Variants in KLF12 observed in about 807,000 individuals in gnomAD.
KLF12 encodes the protein Krueppel-like factor 12.
A neutral mutation model predicts 37.8 loss-of-function variants in KLF12; 9 were observed. The observed-to-expected ratio is 0.24, with a 90% CI of 0.14 to 0.42. KLF12 has a LOEUF of 0.42. Ranked by LOEUF, KLF12 falls within the 10% of genes least tolerant of loss-of-function variation. KLF12 has a pLI of 1.00. For missense variants in KLF12, 411 were observed against 516.0 expected (o/e 0.80, Z 1.97); for synonymous variants, 208 against 202.1 (o/e 1.03, Z -0.25).
At chr13:73,984,104 G>A (rs1053072308) in intron 2 of KLF12, among the ~76,000 whole-genome samples, 3 of 152,178 alleles carry the variant, frequency 2.0e-5, no homozygotes, top group Admixed American at 1.3e-4. Context: ...GGGTGGGGAG[G>A]ACAGCAAGCA....
At chr13:74,158,574 C>T in the KLF12 span, among the ~76,000 whole-genome samples, 5 of 151,960 alleles carry the variant, frequency 3.3e-5, no homozygotes, top group Admixed American at 3.3e-4. Context: ...ACAAGTGAGT[C>T]CCAGAGAGAA....
chr13:74,240,073 G>A, the KLF12 span, among the ~76,000 whole-genome samples: 6 of 152,108 alleles, frequency 3.9e-5, no homozygotes, highest in South Asian at 2.1e-4. Flanking sequence ...ATTTTGCAGC[G>A]GCTGGTACCG....
chr13:73,947,952 G>T (rs78866111), intron 2 of KLF12, among the ~76,000 whole-genome samples: 8,297 of 152,146 alleles, frequency 0.055, 291 homozygotes, highest in African/African-American at 0.1. Context: ...AGCTAGCTAG[G>T]CAATACTCAA....
At chr13:74,067,696 T>C (rs1873997017) in intron 1 of KLF12, among the ~76,000 whole-genome samples, 1 of 59,346 alleles carries the variant, frequency 1.7e-5, no homozygotes, top group Non-Finnish European at 3.3e-5. Context: ...CAAAGAATAG[T>C]TTTAGTTTTA....
At chr13:74,214,407 AT>A in the KLF12 span, among the ~76,000 whole-genome samples, 1 of 152,122 alleles carries the variant, frequency 6.6e-6, no homozygotes, top group African/African-American at 2.4e-5. Context: ...GTCTTCCTGT[AT>A]TTTAGTTAAC....
At chr13:74,061,840 T>C (rs1297981867) in intron 1 of KLF12, among the ~76,000 whole-genome samples, 1 of 152,228 alleles carries the variant, frequency 6.6e-6, no homozygotes, top group African/African-American at 2.4e-5. Flanking sequence ...CGTTATATGA[T>C]AGCTTTCTGA....
intron 3 of KLF12, among the ~76,000 whole-genome samples, chr13:73,917,661 G>T (rs1422394391): frequency 1.3e-5 from 2 of 152,148 alleles, no homozygotes; most frequent in Non-Finnish European, 2.9e-5. Flanking sequence ...AAGTTTGTCA[G>T]AAGAATTAAA....
At chr13:73,726,498 C>T (rs1876684040) in intron 6 of KLF12, among the ~76,000 whole-genome samples, 1 of 152,160 alleles carries the variant, frequency 6.6e-6, no homozygotes, top group Admixed American at 6.5e-5. Flanking sequence ...TTTGTCTATT[C>T]TGGACATTTA....
chr13:73,789,923 A>G (rs1034980042), intron 5 of KLF12, among the ~76,000 whole-genome samples: 45 of 152,038 alleles, frequency 3.0e-4, no homozygotes, highest in South Asian at 1.2e-3. Flanking sequence ...TGATCCGCCC[A>G]CCTCGGCCTC....
At chr13:73,698,768 C>A (rs1195741215) in intron 7 of KLF12, among the ~76,000 whole-genome samples, 1 of 152,108 alleles carries the variant, frequency 6.6e-6, no homozygotes, top group Non-Finnish European at 1.5e-5. Context: ...TGCCTAAGAC[C>A]TTTACTATCT....
chr13:74,165,304 T>C, the KLF12 span, among the ~76,000 whole-genome samples: 6 of 138,686 alleles, frequency 4.3e-5, no homozygotes, highest in East Asian at 2.0e-4. Flanking sequence ...CTTTTCTTTT[T>C]TTTTTTTTTT....
chr13:73,761,315 C>A (rs1879533797), intron 6 of KLF12, among the ~76,000 whole-genome samples: 1 of 152,068 alleles, frequency 6.6e-6, no homozygotes, highest in Non-Finnish European at 1.5e-5. Context: ...TTTGCCACTT[C>A]AGCCTAAGAA....
rs561154233 is a variant in KLF12, at chr13:73,699,441, G to C, written c.1028-3770C>G. Among the ~76,000 whole-genome samples the C allele has an allele frequency of 1.2e-3, 188 of 151,700 alleles. 2 individuals carry two copies. Among genetic ancestry groups the C allele is most frequent in the African/African-American group, 4.4e-3 (182 of 41,396 alleles). On this transcript the variant is annotated intron_variant, in intron 7 of 7. Transcript: ENST00000377669. ...TGAAAATTAAAAAAAATTGAAAAAG[G>C]CTCACCCAACTCAATCAGACCTAAA...
the KLF12 span, among the ~76,000 whole-genome samples, chr13:74,156,202 G>T: frequency 6.6e-6 from 1 of 152,260 alleles, no homozygotes; most frequent in East Asian, 1.9e-4. Context: ...TTTATACTGC[G>T]ATCTCTCTTC....
At chr13:73,720,278 C>T (rs1012723153) in intron 6 of KLF12, among the ~76,000 whole-genome samples, 1 of 152,174 alleles carries the variant, frequency 6.6e-6, no homozygotes, top group Non-Finnish European at 1.5e-5. Context: ...TTCTGAGCAA[C>T]ATGCCCTTTG....
intron 2 of KLF12, among the ~76,000 whole-genome samples, chr13:73,958,875 C>T (rs1890930582): frequency 6.6e-6 from 1 of 152,098 alleles, no homozygotes; most frequent in African/African-American, 2.4e-5. Flanking sequence ...AAACAACGAA[C>T]TGCTCTATCC....
chr13:73,812,021 G>A (rs1412163775), intron 5 of KLF12, among the ~76,000 whole-genome samples: 2 of 152,048 alleles, frequency 1.3e-5, no homozygotes, highest in South Asian at 4.1e-4. Context: ...CAGAGGTAAA[G>A]GTAACTAAGA....
At chr13:73,877,013 A>C (rs1399369271) in intron 3 of KLF12, among the ~76,000 whole-genome samples, 16 of 143,448 alleles carry the variant, frequency 1.1e-4, no homozygotes, top group African/African-American at 4.1e-4. Context: ...ACTCCGTCTC[A>C]AAAAAAAAAA....
the KLF12 span, among the ~76,000 whole-genome samples, chr13:74,185,932 C>T: frequency 6.6e-6 from 1 of 152,206 alleles, no homozygotes; most frequent in African/African-American, 2.4e-5. Flanking sequence ...GTGTCAGCCA[C>T]TGCGACCGGC....
Sources: allele counts gnomAD v4.1 joint callset (sites outside exome capture counted in the v4.1 genomes callset), GRCh38; gene constraint gnomAD v4.1.1; transcripts MANE v1.5; gene names NCBI Gene and HGNC (gene_info 2026-07-23, HGNC 2026-07-21).